GMDS: variants seen among roughly 807,000 people sequenced by gnomAD.
GMDS encodes the protein GDP-mannose 4,6-dehydratase.
In GMDS, 20 loss-of-function variants were observed where a neutral mutation model predicts 49.9. The observed-to-expected ratio is 0.40, with a 90% CI of 0.28 to 0.58. The LOEUF (loss-of-function observed/expected upper bound fraction) is 0.58, where lower values mean the gene tolerates loss of function less well. Among genes scored for constraint, GMDS ranks in the 20% least tolerant of loss-of-function variants. The pLI, the probability that GMDS is intolerant of heterozygous loss-of-function variation, is 0.42. For synonymous variants in GMDS, 177 were observed against 178.6 expected (o/e 0.99, Z 0.07); for missense variants, 362 against 481.4 (o/e 0.75, Z 2.32).
chr6:1,674,715 T>A (rs1326260407), intron 9 of GMDS, among the ~76,000 whole-genome samples: 1 of 59,982 alleles, frequency 1.7e-5, no homozygotes, highest in Admixed American at 1.4e-4. Context: ...ACCCAGCTAA[T>A]TTTTTTTTTT....
chr6:1,852,726 G>A (rs1209221485), intron 7 of GMDS, among the ~76,000 whole-genome samples: 11 of 143,242 alleles, frequency 7.7e-5, no homozygotes, highest in South Asian at 4.2e-4. Context: ...TTTTTTTCCC[G>A]AGATGGAGTT....
intron 7 of GMDS, among the ~76,000 whole-genome samples, chr6:1,886,864 G>C (rs1759630949): frequency 6.6e-6 from 1 of 152,116 alleles, no homozygotes; most frequent in Non-Finnish European, 1.5e-5. Flanking sequence ...ACTAACAATT[G>C]GCAGATTTTT....
intron 1 of GMDS, among the ~76,000 whole-genome samples, chr6:2,138,760 T>C (rs1338575010): frequency 2.0e-5 from 3 of 152,230 alleles, no homozygotes; most frequent in African/African-American, 4.8e-5. Context: ...GGCAATTACT[T>C]CCATCAATTC....
At chr6:1,777,668 G>T (rs1476826863) in intron 7 of GMDS, among the ~76,000 whole-genome samples, 1 of 152,230 alleles carries the variant, frequency 6.6e-6, no homozygotes, top group Non-Finnish European at 1.5e-5. Flanking sequence ...GCAGGCATGT[G>T]TAGGGAATAG....
At chr6:2,133,204 G>A (rs1022113990) in intron 1 of GMDS, among the ~76,000 whole-genome samples, 1 of 151,942 alleles carries the variant, frequency 6.6e-6, no homozygotes, top group Non-Finnish European at 1.5e-5. Flanking sequence ...CTTTAAATTT[G>A]GAAGGAAAAA....
rs1770947224 is a variant in GMDS, at chr6:1,822,663, G to A, written c.772-80077C>T. On this transcript the variant is annotated intron_variant, in intron 7 of 10. Coordinates refer to ENST00000380815, the MANE Select transcript of GMDS (RefSeq NM_001500.4). The stretch of plus-strand genomic sequence containing the variant: ...TATCTGTTAATGTTTAAGGCTTTGT[G>A]ATGAATATACAAATAAACCAAAAGT... Among the ~76,000 whole-genome samples the A allele has an allele frequency of 3.3e-5, 5 of 152,030 alleles. No homozygotes were observed. In the South Asian group the frequency reaches 1.0e-3, roughly 31 times the overall value.
At chr6:1,650,020 C>T (rs1342247930) in intron 9 of GMDS, among the ~76,000 whole-genome samples, 1 of 152,194 alleles carries the variant, frequency 6.6e-6, no homozygotes, top group Non-Finnish European at 1.5e-5. Context: ...GATGATCTTG[C>T]CGTCTGACCT....
At chr6:1,966,425 A>C (rs1764263282) in intron 4 of GMDS, among the ~76,000 whole-genome samples, 1 of 151,768 alleles carries the variant, frequency 6.6e-6, no homozygotes, top group South Asian at 2.1e-4. Context: ...GCTTTCTTGA[A>C]AGATTTTCTT....
chr6:1,908,704 A>G (rs1460663684), intron 7 of GMDS, among the ~76,000 whole-genome samples: 1 of 152,226 alleles, frequency 6.6e-6, no homozygotes, highest in Non-Finnish European at 1.5e-5. Flanking sequence ...CGAAGGCTTG[A>G]TGATTCCAAG....
intron 6 of GMDS, among the ~76,000 whole-genome samples, chr6:1,942,497 C>A (rs1213720622): frequency 1.3e-5 from 2 of 152,182 alleles, no homozygotes; most frequent in Non-Finnish European, 2.9e-5. Context: ...TCACTGGCTA[C>A]TGGGACTGGT....
At chr6:2,199,374 T>C (rs1277527283) in intron 1 of GMDS, among the ~76,000 whole-genome samples, 1 of 152,242 alleles carries the variant, frequency 6.6e-6, no homozygotes, top group Non-Finnish European at 1.5e-5. Context: ...GAAATCTTTA[T>C]AAAATACAAA....
chr6:2,001,501 G>A (rs1766816881), intron 4 of GMDS, among the ~76,000 whole-genome samples: 1 of 152,044 alleles, frequency 6.6e-6, no homozygotes, highest in South Asian at 2.1e-4. Context: ...TCTTTTAAGA[G>A]TTTTATGCTT....
intron 9 of GMDS, among the ~76,000 whole-genome samples, chr6:1,720,230 G>T (rs564364957): frequency 1.3e-5 from 2 of 151,910 alleles, no homozygotes; most frequent in Non-Finnish European, 2.9e-5. Context: ...TGCTCTTGAG[G>T]GGGGAGAGCA....
chr6:2,233,953 C>G (rs956204432), intron 1 of GMDS, among the ~76,000 whole-genome samples: 7 of 152,304 alleles, frequency 4.6e-5, no homozygotes, highest in Non-Finnish European at 8.8e-5. Flanking sequence ...TGTATTTCCT[C>G]CAGGATTTCT....
intron 1 of GMDS, among the ~76,000 whole-genome samples, chr6:2,223,560 CAA>C (rs1780691994): frequency 3.3e-5 from 5 of 151,932 alleles, no homozygotes. Flanking sequence ...AAGGAAAGGA[CAA>C]GAGATGACAC....
chr6:2,124,768 A>C, intron 1 of GMDS, 37 bp from the exon 2 acceptor site: 1 of 1,527,656 alleles, frequency 6.5e-7, no homozygotes, highest in Non-Finnish European at 9.1e-7. Flanking sequence ...CGTCAGTCTC[A>C]TAGTGGTATA....
At chr6:1,737,997 C>T (rs1417286585) in intron 8 of GMDS, among the ~76,000 whole-genome samples, 15 of 135,304 alleles carry the variant, frequency 1.1e-4, no homozygotes, top group African/African-American at 4.3e-4. Flanking sequence ...ACAAACACAC[C>T]ACACACACAG....
intron 10 of GMDS, 84 bp from the exon 11 acceptor site, chr6:1,624,315 G>T: frequency 7.3e-7 from 1 of 1,368,066 alleles, no homozygotes; most frequent in Non-Finnish European, 1.0e-6. Flanking sequence ...GCCCCAGAGA[G>T]GCCTCCGCGT....
chr6:2,124,392 C>T (rs940604559), intron 2 of GMDS, among the ~76,000 whole-genome samples: 3 of 152,128 alleles, frequency 2.0e-5, no homozygotes, highest in South Asian at 2.1e-4. Flanking sequence ...TAAATTAACC[C>T]GAATCATGTT....
Sources: gnomAD v4.1 joint callset for allele counts (sites outside exome capture counted in the v4.1 genomes callset) on GRCh38, gnomAD v4.1.1 for gene constraint, MANE v1.5 for transcripts, NCBI Gene and HGNC (gene_info 2026-07-23, HGNC 2026-07-21) for gene names.